Variants in PHACTR1 observed in about 807,000 individuals in gnomAD.
PHACTR1 encodes phosphatase and actin regulator 1.
Under a neutral mutation model 69.2 loss-of-function variants are expected in PHACTR1, and 16 were observed. The observed-to-expected ratio is 0.23, with a 90% CI of 0.16 to 0.35. PHACTR1 has a LOEUF of 0.35. Ranked by LOEUF, PHACTR1 falls within the 10% of genes least tolerant of loss-of-function variation. The pLI, the probability that PHACTR1 is intolerant of heterozygous loss-of-function variation, is 1.00. For missense variants in PHACTR1, 510 were observed against 734.7 expected (o/e 0.69, Z 3.54); for synonymous variants, 312 against 284.5 (o/e 1.10, Z -0.97).
At chr6:13,251,840 A>C (rs1458333677) in intron 10 of PHACTR1, among the ~76,000 whole-genome samples, 2 of 152,134 alleles carry the variant, frequency 1.3e-5, no homozygotes, top group African/African-American at 4.8e-5. Context: ...GGATTGCTTG[A>C]GGCCAGGAGT....
At chr6:13,093,972 A>T (rs916624252) in intron 5 of PHACTR1, among the ~76,000 whole-genome samples, 1 of 152,132 alleles carries the variant, frequency 6.6e-6, no homozygotes, top group Non-Finnish European at 1.5e-5. Context: ...CCTAGGTTCA[A>T]GTGATTCTCC....
chr6:13,041,916 G>A (rs572035522), intron 4 of PHACTR1, among the ~76,000 whole-genome samples: 93 of 152,008 alleles, frequency 6.1e-4, no homozygotes, highest in Non-Finnish European at 8.7e-4. Flanking sequence ...TCTGTGTCTC[G>A]GTTCCTTTAA....
chr6:12,758,076 C>T (rs1157151867), intron 4 of PHACTR1, among the ~76,000 whole-genome samples: 1 of 151,926 alleles, frequency 6.6e-6, no homozygotes, highest in Non-Finnish European at 1.5e-5. Flanking sequence ...CAAGCCACTG[C>T]ACTCCAGCCT....
chr6:12,892,726 A>G (rs1158953110), intron 4 of PHACTR1, among the ~76,000 whole-genome samples: 2 of 152,228 alleles, frequency 1.3e-5, no homozygotes, highest in Non-Finnish European at 2.9e-5. Flanking sequence ...ATTTATTCAG[A>G]GATGTGAAGA....
chr6:12,735,071 G>A (rs999966677), intron 3 of PHACTR1, among the ~76,000 whole-genome samples: 2 of 152,284 alleles, frequency 1.3e-5, no homozygotes, highest in Middle Eastern at 3.4e-3. Flanking sequence ...GGGCTGTTGG[G>A]GTTTAGGGTC....
At chr6:13,093,747 A>C (rs1451858679) in intron 5 of PHACTR1, among the ~76,000 whole-genome samples, 2 of 152,232 alleles carry the variant, frequency 1.3e-5, no homozygotes. Flanking sequence ...CAGCAAAGAC[A>C]AAAGGTATCA....
At chr6:13,234,419 G>A (rs1007494640) in intron 10 of PHACTR1, among the ~76,000 whole-genome samples, 5 of 152,166 alleles carry the variant, frequency 3.3e-5, no homozygotes, top group African/African-American at 4.8e-5. Context: ...TTAATGTACT[G>A]GAAATCTTAG....
chr6:13,023,604 C>G (rs982348276), intron 4 of PHACTR1, among the ~76,000 whole-genome samples: 3 of 152,218 alleles, frequency 2.0e-5, no homozygotes, highest in South Asian at 4.1e-4. Flanking sequence ...TGTCCCCTTA[C>G]CTCGGTTCTG....
intron 11 of PHACTR1, among the ~76,000 whole-genome samples, chr6:13,276,660 T>C (rs1778979030): frequency 6.6e-6 from 1 of 152,020 alleles, no homozygotes; most frequent in African/African-American, 2.4e-5. Flanking sequence ...TAATCCCAGC[T>C]ACTCGGGAGG....
chr6:12,994,471 A>C (rs756195657), intron 4 of PHACTR1, among the ~76,000 whole-genome samples: 4 of 152,198 alleles, frequency 2.6e-5, no homozygotes, highest in Non-Finnish European at 5.9e-5. Context: ...ATTAGAGATC[A>C]GTTCAAAGAA....
At chr6:13,229,461 C>T (rs866415981) in intron 9 of PHACTR1, among the ~76,000 whole-genome samples, 4 of 152,148 alleles carry the variant, frequency 2.6e-5, no homozygotes, top group East Asian at 3.8e-4. Context: ...CAGGATATTG[C>T]GTGTTTCAAA....
Position 12,746,394 on chromosome 6 carries a change from C to T in PHACTR1, c.104-3250C>T, listed in dbSNP as rs78479198. 6.7e-4 allele frequency among the ~76,000 whole-genome samples: 102 copies of T among 152,048 alleles called. No homozygotes were observed. The East Asian group carries it at 0.017, about 26-fold the overall frequency. The stretch of plus-strand genomic sequence containing the variant: ...ACAAAAAATATAAAAATTAGCCAGG[C>T]TTGGTGGAGGCATGTAGCTGTGGTC... On this transcript the variant is annotated intron_variant, in intron 3 of 14. Transcript: ENST00000332995.
At chr6:12,813,088 AT>A (rs1468502907) in intron 4 of PHACTR1, among the ~76,000 whole-genome samples, 1 of 152,184 alleles carries the variant, frequency 6.6e-6, no homozygotes, top group Admixed American at 6.5e-5. Context: ...AATTCAAATT[AT>A]TTTTTATAAC....
chr6:13,017,476 A>T (rs920812420), intron 4 of PHACTR1, among the ~76,000 whole-genome samples: 1 of 152,158 alleles, frequency 6.6e-6, no homozygotes, highest in African/African-American at 2.4e-5. Flanking sequence ...GGCTGACTTT[A>T]GTGGGGATAG....
intron 5 of PHACTR1, among the ~76,000 whole-genome samples, chr6:13,093,133 G>A (rs1402507929): frequency 6.6e-6 from 1 of 152,122 alleles, no homozygotes; most frequent in African/African-American, 2.4e-5. Flanking sequence ...TGGGCAATAT[G>A]TATCTACTTT....
chr6:13,099,326 G>A (rs887356258), intron 5 of PHACTR1, among the ~76,000 whole-genome samples: 1 of 152,238 alleles, frequency 6.6e-6, no homozygotes, highest in Non-Finnish European at 1.5e-5. Flanking sequence ...TAGAATGCAA[G>A]TTGTAGGCTG....
chr6:13,114,830 C>T (rs1175508296), intron 5 of PHACTR1, among the ~76,000 whole-genome samples: 4 of 152,184 alleles, frequency 2.6e-5, no homozygotes, highest in African/African-American at 7.2e-5. Flanking sequence ...CTGAAAAGCC[C>T]TGGTTTAAAA....
At position 12,870,398 on chromosome 6, in the gene PHACTR1, A is replaced by G. The variant is rs1223236264; in HGVS notation, c.250+120608A>G. On this transcript the variant is annotated intron_variant, in intron 4 of 14. Coordinates refer to ENST00000332995, the MANE Select transcript of PHACTR1 (RefSeq NM_030948.6). ...TTTTAAATGGAAGATTCATTAATGT[A>G]TGATTACATGTTTCATCAAGGAGAT... 2.0e-5 allele frequency among the ~76,000 whole-genome samples: 3 copies of G among 152,190 alleles called. No individual in the cohort carries two copies. The East Asian group carries it at 5.8e-4, about 29-fold the overall frequency.
intron 10 of PHACTR1, among the ~76,000 whole-genome samples, chr6:13,271,270 T>TGA (rs1357169053): frequency 1.7e-4 from 26 of 152,292 alleles, no homozygotes; most frequent in Middle Eastern, 3.4e-3. Flanking sequence ...GACCAAGCCA[T>TGA]GAGGGCTCCC....
Sources: gnomAD v4.1 joint callset for allele counts (sites outside exome capture counted in the v4.1 genomes callset) on GRCh38, gnomAD v4.1.1 for gene constraint, MANE v1.5 for transcripts, NCBI Gene and HGNC (gene_info 2026-07-23, HGNC 2026-07-21) for gene names.